Variants in SOX5 observed in about 807,000 individuals in gnomAD.
SOX5 encodes SRY-box transcription factor 5, also known as transcription factor SOX-5.
Under a neutral mutation model 92.0 loss-of-function variants are expected in SOX5, and 9 were observed. The observed-to-expected ratio is 0.10, with a 90% confidence interval of 0.06 to 0.17. The LOEUF is 0.17. Among genes scored for constraint, SOX5 ranks in the 10% least tolerant of loss-of-function variants. SOX5 has a pLI of 1.00. For missense variants in SOX5, 642 were observed against 944.5 expected, an observed-to-expected ratio of 0.68 and a Z score of 4.20; for synonymous variants, 344 against 336.3, an observed-to-expected ratio of 1.02 and a Z score of -0.25.
At chr12:24,333,743 G>T (rs2141004962) in intron 2 of SOX5, among the ~76,000 whole-genome samples, 1 of 151,688 alleles carries the variant, frequency 6.6e-6, no homozygotes, top group South Asian at 2.1e-4. Flanking sequence ...AAAGTTGCCA[G>T]GTTTCAATAT....
chr12:23,762,068 C>T (rs901075317), intron 3 of SOX5, among the ~76,000 whole-genome samples: 5 of 151,320 alleles, frequency 3.3e-5, no homozygotes, highest in Non-Finnish European at 7.4e-5. Flanking sequence ...ACAATAGCTG[C>T]ATATCTACAC....
chr12:23,771,422 C>G (rs1287361829), intron 3 of SOX5, among the ~76,000 whole-genome samples: 1 of 152,148 alleles, frequency 6.6e-6, no homozygotes, highest in African/African-American at 2.4e-5. Flanking sequence ...CAATGTTAGG[C>G]CCCGGCCGAG....
intron 2 of SOX5, among the ~76,000 whole-genome samples, chr12:23,853,580 G>A (rs1394598328): frequency 1.4e-5 from 2 of 146,764 alleles, no homozygotes; most frequent in Non-Finnish European, 3.0e-5. Flanking sequence ...TGCTCCTTCA[G>A]AGTATTTGAA....
chr12:24,044,207 T>A (rs1569519774), intron 4 of SOX5, among the ~76,000 whole-genome samples: 1 of 152,214 alleles, frequency 6.6e-6, no homozygotes, highest in Non-Finnish European at 1.5e-5. Context: ...AATTTTATAC[T>A]AAGAACCTCC....
At chr12:24,093,012 TAAAAAATCATGAGCTAAATA>T (rs1461800827) in intron 4 of SOX5, among the ~76,000 whole-genome samples, 40 of 152,192 alleles carry the variant, frequency 2.6e-4, no homozygotes, top group East Asian at 2.1e-3. Flanking sequence ...CATCTCATCT[TAAAAAATCATGAGCTAAATA>T]AAAAAATCAT....
At chr12:24,545,014 T>C (rs1952485338) in intron 1 of SOX5, among the ~76,000 whole-genome samples, 2 of 152,232 alleles carry the variant, frequency 1.3e-5, no homozygotes, top group Admixed American at 6.5e-5. Context: ...ATATTTTTTA[T>C]TGACGGTTTA....
chr12:23,987,692 C>T (rs1950184571), intron 4 of SOX5, among the ~76,000 whole-genome samples: 1 of 152,160 alleles, frequency 6.6e-6, no homozygotes, highest in African/African-American at 2.4e-5. Flanking sequence ...ACGAGGGAGG[C>T]TTAGGCTTGA....
chr12:23,771,423 C>A (rs2094933725), intron 3 of SOX5, among the ~76,000 whole-genome samples: 1 of 152,098 alleles, frequency 6.6e-6, no homozygotes, highest in Non-Finnish European at 1.5e-5. Context: ...AATGTTAGGC[C>A]CCGGCCGAGT....
intron 9 of SOX5, 87 bp from the exon 10 acceptor site, chr12:23,575,925 C>T (rs1949034758): frequency 2.8e-5 from 27 of 969,754 alleles, no homozygotes; most frequent in Non-Finnish European, 4.1e-5. Flanking sequence ...CCTGTCATTT[C>T]CCATCAAATT....
rs1164391418 is a variant in SOX5 at position 24,376,690 on chromosome 12, CTTTTTTTTTTTTTTTTTTTTTTT to C, written c.-250-8074_-250-8052del. Among the ~76,000 whole-genome samples the C allele has an allele frequency of 3.3e-4, 23 of 70,616 alleles. No individual in the cohort carries two copies. The South Asian group carries it at 8.7e-3, about 27-fold the overall frequency. 46.3% of individuals were successfully genotyped at this position (70,616 alleles called of 152,430 possible). On this transcript the variant is annotated intron_variant, in intron 1 of 4. Coordinates refer to the SOX5 transcript ENST00000446891. ...CAGAATGATGCTATGGGAGAGATAC[CTTTTTTTTTTTTTTTTTTTTTTT>C]TTTTTTTTTTTTTTTTACAGAGTCT... is the stretch of plus-strand genomic sequence containing the variant.
chr12:23,726,118 C>CGAGAGAGAGAGAGAGAGA lies in SOX5; in HGVS notation c.810+8548_810+8565dup, dbSNP rs60575337. Among the ~76,000 whole-genome samples the CGAGAGAGAGAGAGAGAGA allele has an allele frequency of 1.1e-4, 13 of 123,732 alleles. No homozygotes were observed. The South Asian group carries it at 1.1e-3, about 11-fold the overall frequency. The allele number at this position is 123,732 out of a possible 152,430, so 81.2% of individuals were successfully genotyped here. A position where few individuals can be genotyped will look rare whatever the true frequency, so the allele number is the denominator to read the frequency against. On this transcript the variant is annotated intron_variant, in intron 6 of 14. Coordinates refer to ENST00000451604, the MANE Select transcript of SOX5 (RefSeq NM_006940.6). Reference sequence around the variant, plus strand: ...TAATGGTGTTAAATACATACATCCCCGAGAGAGAGAGAGAGAGAGAGAGAG... The same window carrying CGAGAGAGAGAGAGAGAGA: ...TAATGGTGTTAAATACATACATCCCCGAGAGAGAGAGAGAGAGAGAGAGAGAGAGAGAGAGAGAGAGAG...
chr12:24,083,888 A>G (rs1428856563), intron 4 of SOX5, among the ~76,000 whole-genome samples: 1 of 152,078 alleles, frequency 6.6e-6, no homozygotes, highest in Non-Finnish European at 1.5e-5. Context: ...GGAGCCATAG[A>G]GTACTTGCTG....
At chr12:23,993,891 G>GTA (rs1359282806) in intron 4 of SOX5, among the ~76,000 whole-genome samples, 2 of 151,794 alleles carry the variant, frequency 1.3e-5, no homozygotes, top group Non-Finnish European at 2.9e-5. Flanking sequence ...ATGTATGTAT[G>GTA]TATGTATGTA....
intron 3 of SOX5, among the ~76,000 whole-genome samples, chr12:23,770,788 T>C (rs1010592095): frequency 6.6e-6 from 1 of 152,192 alleles, no homozygotes; most frequent in African/African-American, 2.4e-5. Flanking sequence ...TCCCATGCAG[T>C]TAAATCAAAA....
intron 8 of SOX5, among the ~76,000 whole-genome samples, chr12:23,633,807 T>C (rs1345552355): frequency 1.3e-5 from 2 of 152,196 alleles, no homozygotes; most frequent in Non-Finnish European, 1.5e-5. Context: ...TATATGTCTA[T>C]ACACACACTA....
intron 4 of SOX5, among the ~76,000 whole-genome samples, chr12:24,135,662 C>A (rs1018390550): frequency 6.6e-6 from 1 of 152,086 alleles, no homozygotes; most frequent in East Asian, 1.9e-4. Context: ...GTAAACAAAG[C>A]ACTCTGGATG....
chr12:23,824,944 C>T (rs2096200665), intron 3 of SOX5, among the ~76,000 whole-genome samples: 1 of 152,186 alleles, frequency 6.6e-6, no homozygotes, highest in Non-Finnish European at 1.5e-5. Context: ...CCTCCCCTCA[C>T]CCAGTTAAAG....
At chr12:24,082,224 T>C (rs1190840083) in intron 4 of SOX5, among the ~76,000 whole-genome samples, 1 of 151,690 alleles carries the variant, frequency 6.6e-6, no homozygotes. Flanking sequence ...GGAACTATTA[T>C]ACCTTGTCTT....
intron 1 of SOX5, among the ~76,000 whole-genome samples, chr12:24,464,835 A>C (rs754808505): frequency 2.0e-5 from 3 of 152,262 alleles, no homozygotes; most frequent in Non-Finnish European, 2.9e-5. Flanking sequence ...CTAGTAATGT[A>C]GGCACTTTCA....
Sources: allele counts gnomAD v4.1 joint callset (sites outside exome capture counted in the v4.1 genomes callset), GRCh38; gene constraint gnomAD v4.1.1; transcripts MANE v1.5; gene names NCBI Gene and HGNC (gene_info 2026-07-23, HGNC 2026-07-21).